Variants in GAS7 observed in about 807,000 individuals in gnomAD.
The protein encoded by GAS7 is growth arrest specific 7.
Under a neutral mutation model 71.1 loss-of-function variants are expected in GAS7, and 28 were observed. The observed-to-expected ratio is 0.39, with a 90% CI of 0.29 to 0.54. GAS7 has a LOEUF of 0.54. Among genes scored for constraint, GAS7 ranks in the 20% least tolerant of loss-of-function variants. The pLI is 0.62. For missense variants in GAS7, 436 were observed against 627.8 expected (o/e 0.69, Z 3.27); for synonymous variants, 258 against 245.8 (o/e 1.05, Z -0.46).
In GAS7 at chr17:10,117,997, G is replaced by A. The variant is rs191374483; in HGVS notation, c.183+80211C>T. Among the ~76,000 whole-genome samples, 259 of 152,238 alleles carry A rather than the reference G, an allele frequency of 1.7e-3. 1 individual carries two copies. Among genetic ancestry groups the A allele is most frequent in the African/African-American group, 6.1e-3 (254 of 41,566 alleles). On this transcript the variant is annotated intron_variant, in intron 1 of 13. Transcript: ENST00000432992. ...GAGAAGCCACTGTAGCCCAGACCTG[G>A]GCTAGGCAACTGCGTCCTGGACAGG...
intron 8 of GAS7, 151 bp from the exon 9 acceptor site, chr17:9,934,395 G>A (rs141214797): frequency 4.5e-5 from 29 of 640,314 alleles, no homozygotes; most frequent in East Asian, 2.7e-4. Context: ...CCAGACATGA[G>A]CATCACGTTT....
intron 1 of GAS7, among the ~76,000 whole-genome samples, chr17:10,072,822 A>C (rs2073354921): frequency 6.6e-6 from 1 of 152,138 alleles, no homozygotes; most frequent in African/African-American, 2.4e-5. Flanking sequence ...GGATTGGTGC[A>C]TTAGTGGCTT....
intron 5 of GAS7, among the ~76,000 whole-genome samples, chr17:9,955,072 C>A (rs544182543): frequency 6.6e-6 from 1 of 151,826 alleles, no homozygotes; most frequent in South Asian, 2.1e-4. Flanking sequence ...GGGTCCAGAA[C>A]CAGCTTCCTA....
chr17:10,198,342 G>T lies in GAS7; in HGVS notation c.49C>A (p.His17Asn), dbSNP rs1045814146. ...RTLYPFSGER[H>N]GQGLRFAAGE... ...GCGGCGAAGCGCAGCCCCTGGCCGT[G>T]CCGCTCCCCGGAGAAGGGGTACAGG... Residue 17 changes from histidine to asparagine, a missense_variant, in exon 1 of 14, where the codon CAC becomes AAC. Physicochemically the swap from His to Asn is moderately conservative, Grantham distance 68. Transcript: ENST00000432992. 5.6e-6 allele frequency: 9 copies of T among 1,599,198 alleles called. No individual in the cohort carries two copies. The highest frequency in any genetic ancestry group is 3.3e-4 in the Middle Eastern group (2 of 5,988).
At chr17:9,949,236 T>C (rs2068909962) in intron 5 of GAS7, among the ~76,000 whole-genome samples, 1 of 152,010 alleles carries the variant, frequency 6.6e-6, no homozygotes, top group Non-Finnish European at 1.5e-5. Flanking sequence ...AAGGGGCAGA[T>C]CCTGCTCAGC....
intron 1 of GAS7, among the ~76,000 whole-genome samples, chr17:10,049,352 A>G (rs1471409250): frequency 1.3e-5 from 2 of 152,172 alleles, no homozygotes; most frequent in African/African-American, 2.4e-5. Context: ...AGCCCTCTTT[A>G]TATCATCCTC....
At chr17:9,984,244 T>C (rs2070548292) in intron 2 of GAS7, among the ~76,000 whole-genome samples, 1 of 152,126 alleles carries the variant, frequency 6.6e-6, no homozygotes, top group Non-Finnish European at 1.5e-5. Context: ...GGTCCTCTGA[T>C]GCTTCATCCA....
In GAS7 at chr17:10,072,883, T is replaced by C. The variant is rs141924878; in HGVS notation, c.184-52986A>G. Among the ~76,000 whole-genome samples the C allele has an allele frequency of 1.9e-4, 28 of 150,800 alleles. 1 individual carries two copies. In the East Asian group the frequency reaches 4.7e-3, roughly 25 times the overall value. On this transcript the variant is annotated intron_variant, in intron 1 of 13. Transcript: ENST00000432992. ...TGGTTTTGTGCCATTTCTCTAAAAA[T>C]GGGGAACTAAAAAAAAAAGAAAACA...
In GAS7 at chr17:9,943,258, A is replaced by T. The variant is rs545738530; in HGVS notation, c.616-22T>A. 27 of 1,389,110 alleles carry T rather than the reference A, an allele frequency of 1.9e-5. No homozygotes were observed. The South Asian group carries it at 2.9e-4, about 15-fold the overall frequency. 86.0% of individuals were successfully genotyped at this position (1,389,110 alleles called of 1,614,324 possible). A position where few individuals can be genotyped will look rare whatever the true frequency, so the allele number is the denominator to read the frequency against. On this transcript the variant is annotated intron_variant, in intron 6 of 13. Transcript: ENST00000432992. Reference sequence around the variant, plus strand: ...CAGCCTACAAAGGAAGCAGAAGCACAAGAGTTTAGGGCACGTCTGAGTCTG... The same window carrying T: ...CAGCCTACAAAGGAAGCAGAAGCACTAGAGTTTAGGGCACGTCTGAGTCTG...
chr17:10,105,421 G>A (rs1449948327), intron 1 of GAS7, among the ~76,000 whole-genome samples: 1 of 152,150 alleles, frequency 6.6e-6, no homozygotes, highest in African/African-American at 2.4e-5. Flanking sequence ...CAAGTGCTCA[G>A]CGGTCCCATG....
chr17:10,046,785 A>AAGGAAGGAAGGAAGGAAGG (rs2072968883), intron 1 of GAS7, among the ~76,000 whole-genome samples: 1 of 68,808 alleles, frequency 1.5e-5, no homozygotes, highest in Non-Finnish European at 2.6e-5. Context: ...AGAAAGAAAG[A>AAGGAAGGAAGGAAGGAAGG]AAGGAAGGAA....
intron 1 of GAS7, among the ~76,000 whole-genome samples, chr17:10,095,138 G>A (rs1567589296): frequency 6.6e-6 from 1 of 152,176 alleles, no homozygotes; most frequent in African/African-American, 2.4e-5. Context: ...CCTCCTTACA[G>A]GGCTCTTATG....
rs116198088 is a variant in GAS7, at chr17:9,952,236, T to C, written c.526-5253A>G. ...TGCTGAAGGTCCAGGGACCACACTT[T>C]GAGAACCAGCATTCGTGATCCATTT... is the stretch of plus-strand genomic sequence containing the variant. On this transcript the variant is annotated intron_variant, in intron 5 of 13. Coordinates refer to ENST00000432992, the MANE Select transcript of GAS7 (RefSeq NM_201433.2). Among the ~76,000 whole-genome samples, 1,418 of 152,196 alleles carry C rather than the reference T, an allele frequency of 9.3e-3. 26 individuals are homozygous for C. Among genetic ancestry groups the C allele is most frequent in the African/African-American group, 0.033 (1,352 of 41,528 alleles).
At chr17:10,016,340 G>A (rs1440171359) in intron 2 of GAS7, among the ~76,000 whole-genome samples, 6 of 145,604 alleles carry the variant, frequency 4.1e-5, no homozygotes, top group South Asian at 2.1e-4. Context: ...AGCCGAGATC[G>A]CGCCACTGCA....
intron 1 of GAS7, among the ~76,000 whole-genome samples, chr17:10,165,238 GCAGAAATC>G (rs2074285099): frequency 7.0e-6 from 1 of 142,050 alleles, no homozygotes; most frequent in Admixed American, 7.3e-5. Context: ...CTTGCAGTGA[GCAGAAATC>G]ACACCACTGC....
At chr17:9,994,799 C>G (rs1182086307) in intron 2 of GAS7, among the ~76,000 whole-genome samples, 1 of 152,002 alleles carries the variant, frequency 6.6e-6, no homozygotes, top group Non-Finnish European at 1.5e-5. Context: ...GGGCTAATAT[C>G]CAGAATCTAC....
intron 1 of GAS7, among the ~76,000 whole-genome samples, chr17:10,079,219 T>C (rs1341284327): frequency 6.6e-6 from 1 of 152,210 alleles, no homozygotes; most frequent in Admixed American, 6.5e-5. Flanking sequence ...GGGTGGAGTA[T>C]GGTAGGAGAA....
intron 2 of GAS7, among the ~76,000 whole-genome samples, chr17:10,005,032 T>TAC: frequency 7.2e-6 from 1 of 138,738 alleles, no homozygotes; most frequent in African/African-American, 3.3e-5. Flanking sequence ...TCTCTCTCTA[T>TAC]ATATACATAC....
intron 1 of GAS7, among the ~76,000 whole-genome samples, chr17:10,100,664 C>A (rs1348538255): frequency 6.6e-6 from 1 of 152,202 alleles, no homozygotes; most frequent in Non-Finnish European, 1.5e-5. Flanking sequence ...CCCATCCAGG[C>A]TCCATCTGAA....
Sources: gnomAD v4.1 joint callset for allele counts (sites outside exome capture counted in the v4.1 genomes callset) on GRCh38, gnomAD v4.1.1 for gene constraint, MANE v1.5 for transcripts, NCBI Gene and HGNC (gene_info 2026-07-23, HGNC 2026-07-21) for gene names.